Variants in NPM1 observed in about 807,000 individuals in gnomAD.
NPM1 encodes nucleophosmin 1.
In NPM1, 1 loss-of-function variant was observed where a neutral mutation model predicts 44.1. That is an observed-to-expected ratio of 0.02 (90% CI 0.01 to 0.11). The LOEUF (loss-of-function observed/expected upper bound fraction) is 0.11. NPM1 is among the 10% of genes least tolerant of loss of function. The pLI, the probability that NPM1 is intolerant of heterozygous loss-of-function variation, is 1.00. For synonymous variants in NPM1, 126 were observed against 111.8 expected, an observed-to-expected ratio of 1.13 and a Z score of -0.80; for missense variants, 197 against 347.8, an observed-to-expected ratio of 0.57 and a Z score of 3.45.
chr5:171,387,877 G>A lies in NPM1; in HGVS notation c.-72G>A. 4 of 1,395,608 alleles carry A rather than the reference G, an allele frequency of 2.9e-6. No homozygotes were observed. Among genetic ancestry groups the A allele is most frequent in the Middle Eastern group, 2.5e-4 (1 of 4,038 alleles). 86.5% of individuals were successfully genotyped at this position (1,395,608 alleles called of 1,614,324 possible). On this transcript the variant is annotated 5_prime_UTR_variant, in exon 1 of 11. Transcript: ENST00000296930. ...TCCCTGGTGTGATTCCGTCCTGCGC[G>A]GTTGTTCTCTGGAGCAGCGTTCTTT...
In NPM1 at chr5:171,391,391, A is replaced by G. The variant is rs753788683; in HGVS notation, c.225A>G (p.Thr75=). The change falls in exon 3 of 11, where the codon ACA becomes ACG. Residue 75 remains threonine (T), a synonymous_variant. Coordinates refer to ENST00000296930, the MANE Select transcript of NPM1 (RefSeq NM_002520.7). ...ACGAAGGCAGTCCAATTAAAGTAAC[A>G]CTGGCAACTTTGAAAATGTCTGTAC... ...MNYEGSPIKV[T]LATLKMSVQP... The G allele has an allele frequency of 1.9e-6, 3 of 1,610,344 alleles. No individual in the cohort carries two copies. The highest frequency in any genetic ancestry group is 2.2e-5 in the East Asian group (1 of 44,886).
At chr5:171,407,916 A>T in intron 10 of NPM1, 142 bp downstream of exon 10, 1 of 610,270 alleles carries the variant, frequency 1.6e-6, no homozygotes, top group South Asian at 2.1e-5. Flanking sequence ...AATACCTGAA[A>T]ACTCATGTAT....
At chr5:171,406,292 G>A in intron 9 of NPM1, 2 of 987,830 alleles carry the variant, frequency 2.0e-6, no homozygotes, top group Non-Finnish European at 1.6e-6. Context: ...TAGCCTTCCT[G>A]GTTATCACTG....
chr5:171,390,587 T>C (rs1770521111), intron 2 of NPM1, among the ~76,000 whole-genome samples: 1 of 152,198 alleles, frequency 6.6e-6, no homozygotes, highest in South Asian at 2.1e-4. Flanking sequence ...TTTTCCAGGG[T>C]AATAGTGAGA....
chr5:171,387,815 C>T (rs1468066241), upstream of NPM1: 1 of 803,240 alleles, frequency 1.2e-6, no homozygotes, highest in African/African-American at 1.7e-5. Flanking sequence ...GCGAGATCTT[C>T]AGGGTCTATA....
chr5:171,397,637 C>CT (rs1257682786), intron 6 of NPM1, among the ~76,000 whole-genome samples: 1 of 143,350 alleles, frequency 7.0e-6, no homozygotes. Context: ...TGTAAGAATT[C>CT]TTTTTTCTTT....
intron 6 of NPM1, among the ~76,000 whole-genome samples, chr5:171,393,542 G>GT (rs1770707379): frequency 6.6e-6 from 1 of 152,148 alleles, no homozygotes; most frequent in South Asian, 2.1e-4. Context: ...TCAAACTATT[G>GT]TTACAAACAG....
intron 6 of NPM1, among the ~76,000 whole-genome samples, chr5:171,396,576 A>G (rs536789857): frequency 1.1e-4 from 16 of 152,298 alleles, no homozygotes; most frequent in African/African-American, 3.1e-4. Context: ...AAGTTGCTGT[A>G]TTGGGATTTA....
At chr5:171,404,187 A>AC (rs1211220720) in intron 8 of NPM1, among the ~76,000 whole-genome samples, 2 of 74,200 alleles carry the variant, frequency 2.7e-5, no homozygotes, top group African/African-American at 1.1e-4. Context: ...GGGGGGGCTG[A>AC]CCCCCCACCT....
chr5:171,401,019 C>A, intron 8 of NPM1, 94 bp downstream of exon 8: 1 of 863,432 alleles, frequency 1.2e-6, no homozygotes, highest in South Asian at 1.4e-5. Flanking sequence ...ATTTGATAGG[C>A]CTTTATAGAA....
chr5:171,402,202 C>T (rs954733198), intron 8 of NPM1, among the ~76,000 whole-genome samples: 7 of 150,032 alleles, frequency 4.7e-5, no homozygotes, highest in African/African-American at 1.7e-4. Flanking sequence ...GGGCAAAGGA[C>T]ATAAACAGAC....
chr5:171,400,597 C>T (rs1183433176), intron 7 of NPM1, among the ~76,000 whole-genome samples: 2 of 151,760 alleles, frequency 1.3e-5, no homozygotes, highest in African/African-American at 4.8e-5. Flanking sequence ...GCTGGAATTA[C>T]AGACTCATGC....
At chr5:171,409,811 G>T (rs1771734504) in intron 10 of NPM1, among the ~76,000 whole-genome samples, 1 of 135,024 alleles carries the variant, frequency 7.4e-6, no homozygotes, top group Non-Finnish European at 1.6e-5. Context: ...CTGGCCAGCT[G>T]TTTTTTTTGT....
In NPM1 at chr5:171,392,908, TAAAAG is replaced by T; in HGVS notation, c.460-1_463del. 1 of 1,612,122 alleles carries T rather than the reference TAAAAG, an allele frequency of 6.2e-7. No individual in the cohort carries two copies. The highest frequency in any genetic ancestry group is 8.5e-7 in the Non-Finnish European group (1 of 1,178,288). On this transcript the variant is annotated splice_acceptor_variant and splice_polypyrimidine_tract_variant and intron_variant, in intron 5 of 10. Coordinates refer to ENST00000296930, the MANE Select transcript of NPM1 (RefSeq NM_002520.7). LOFTEE classifies it high-confidence loss of function. ...GTTCATGAGTACGTATCTTTTCTTT[TAAAAG>T]AAAAAAGTAAAACTTGCTGCTGATG... is the stretch of plus-strand genomic sequence containing the variant.
At chr5:171,400,252 GA>G in intron 7 of NPM1, 42 bp downstream of exon 7, 1 of 1,611,248 alleles carries the variant, frequency 6.2e-7, no homozygotes, top group Non-Finnish European at 8.5e-7. Flanking sequence ...ACTAACAATA[GA>G]AATGGTGATT....
At chr5:171,406,387 T>G in intron 9 of NPM1, 1 of 1,612,264 alleles carries the variant, frequency 6.2e-7, no homozygotes, top group Non-Finnish European at 8.5e-7. Context: ...TCTCCTTGGT[T>G]TAATTGCAGG....
intron 6 of NPM1, among the ~76,000 whole-genome samples, chr5:171,396,747 G>T (rs908350118): frequency 6.6e-6 from 1 of 152,100 alleles, no homozygotes; most frequent in East Asian, 1.9e-4. Context: ...TTGGGTGGTC[G>T]ATGCGGGCAG....
chr5:171,389,797 C>T (rs1208693981), intron 1 of NPM1, among the ~76,000 whole-genome samples: 4 of 152,128 alleles, frequency 2.6e-5, no homozygotes, highest in African/African-American at 9.7e-5. Context: ...CTTGTTTATG[C>T]AGAATAACAG....
chr5:171,397,935 A>C (rs1770995585), intron 6 of NPM1, among the ~76,000 whole-genome samples: 1 of 144,980 alleles, frequency 6.9e-6, no homozygotes. Context: ...GATTACAGGC[A>C]CCCCCCCCAC....
Sources: allele counts gnomAD v4.1 joint callset (sites outside exome capture counted in the v4.1 genomes callset), GRCh38; gene constraint gnomAD v4.1.1; transcripts MANE v1.5; gene names NCBI Gene and HGNC (gene_info 2026-07-23, HGNC 2026-07-21).